Variants in ANKRD6 observed in about 807,000 individuals in gnomAD.
ANKRD6 encodes the protein ankyrin repeat domain 6.
In ANKRD6, 56 loss-of-function variants were observed where a neutral mutation model predicts 82.3. That is an observed-to-expected ratio of 0.68 (90% confidence interval 0.55 to 0.85). The LOEUF is 0.85. Among genes scored for constraint, ANKRD6 ranks in the 40% least tolerant of loss-of-function variants. The pLI, the probability that ANKRD6 is intolerant of heterozygous loss-of-function variation, is 0.00. For missense variants in ANKRD6, 852 were observed against 907.6 expected (o/e 0.94, Z 0.79); for synonymous variants, 347 against 352.1 (o/e 0.99, Z 0.16).
At chr6:89,515,785 G>A (rs1319423863) in intron 1 of ANKRD6, among the ~76,000 whole-genome samples, 1 of 151,894 alleles carries the variant, frequency 6.6e-6, no homozygotes, top group African/African-American at 2.4e-5. Context: ...GATTACTAGG[G>A]TAGGATCTGG....
chr6:89,546,061 C>T (rs1785054135), intron 1 of ANKRD6, among the ~76,000 whole-genome samples: 1 of 152,208 alleles, frequency 6.6e-6, no homozygotes, highest in Admixed American at 6.5e-5. Flanking sequence ...CCCGCCTCAG[C>T]CTCCCAAAGT....
In ANKRD6 at chr6:89,433,985, C is replaced by T. The variant is rs1217150537; in HGVS notation, c.-144+610C>T. On this transcript the variant is annotated intron_variant, in intron 1 of 15. Coordinates refer to ENST00000339746, the MANE Select transcript of ANKRD6 (RefSeq NM_001242809.2). The surrounding 1 kb of genome is among the most constrained non-coding windows in gnomAD (Gnocchi z 4.3). ...CTTGGGCTTTTAAGTGTGTTGCTTC[C>T]GGTAGATCTCGGGGACTGGAGGGGA... 1.3e-5 allele frequency among the ~76,000 whole-genome samples: 2 copies of T among 152,154 alleles called. No homozygotes were observed. The highest frequency in any genetic ancestry group is 4.8e-5 in the African/African-American group (2 of 41,414).
rs201232548 is a variant in ANKRD6, at chr6:89,630,477, G to A, written c.1657G>A (p.Asp553Asn). Residue 553 changes from aspartate (D) to asparagine (N), a missense_variant, in exon 16 of 16, where the codon GAC (aspartate) becomes AAC (asparagine). Coordinates refer to ENST00000339746, the MANE Select transcript of ANKRD6 (RefSeq NM_001242809.2). ...VVTAGPAAAS[D>N]SSPPVVRPKE... ...GACTGCAGGTCCAGCAGCAGCTTCC[G>A]ACAGCTCCCCTCCAGTGGTTAGGCC... 2.4e-5 allele frequency: 39 copies of A among 1,613,944 alleles called. No homozygotes were observed. The highest frequency in any genetic ancestry group is 8.3e-5 in the Admixed American group (5 of 60,012).
At chr6:89,480,364 C>T (rs1464948357) in intron 1 of ANKRD6, among the ~76,000 whole-genome samples, 1 of 152,056 alleles carries the variant, frequency 6.6e-6, no homozygotes, top group East Asian at 1.9e-4. Context: ...GGAATAGGGG[C>T]GCATGAAGGA....
intron 1 of ANKRD6, among the ~76,000 whole-genome samples, chr6:89,504,135 G>A (rs1158111530): frequency 1.7e-5 from 2 of 120,538 alleles, no homozygotes; most frequent in African/African-American, 3.1e-5. Flanking sequence ...TGTGGGGGGC[G>A]GGGGGTGGGG....
At chr6:89,592,803 A>G (rs540855319) in intron 2 of ANKRD6, among the ~76,000 whole-genome samples, 6 of 152,268 alleles carry the variant, frequency 3.9e-5, no homozygotes, top group African/African-American at 1.4e-4. Context: ...CACACAAAAA[A>G]ACGTTGCCAG....
At chr6:89,629,054 A>G in intron 14 of ANKRD6, 58 bp from the exon 15 acceptor site, 1 of 1,549,954 alleles carries the variant, frequency 6.5e-7, no homozygotes, top group Non-Finnish European at 8.7e-7. Context: ...TAAACCATGT[A>G]TCAAATTCAC....
intron 6 of ANKRD6, among the ~76,000 whole-genome samples, chr6:89,613,118 T>C (rs1370866038): frequency 6.6e-6 from 1 of 152,218 alleles, no homozygotes; most frequent in South Asian, 2.1e-4. Flanking sequence ...GGCAGCTTTT[T>C]GTCTCCAGTT....
At chr6:89,601,421 G>A (rs1345874973) in intron 3 of ANKRD6, among the ~76,000 whole-genome samples, 1 of 152,138 alleles carries the variant, frequency 6.6e-6, no homozygotes, top group African/African-American at 2.4e-5. Flanking sequence ...GACAGGGACA[G>A]TCCTGTTACT....
At chr6:89,531,418 T>G (rs996280246) in intron 1 of ANKRD6, among the ~76,000 whole-genome samples, 2 of 152,258 alleles carry the variant, frequency 1.3e-5, no homozygotes, top group African/African-American at 4.8e-5. Context: ...GGCATTAATA[T>G]CCAACCATGT....
At chr6:89,481,432 A>G (rs1321613795) in intron 1 of ANKRD6, among the ~76,000 whole-genome samples, 3 of 152,226 alleles carry the variant, frequency 2.0e-5, no homozygotes, top group East Asian at 1.9e-4. Context: ...TGTTCAAAGT[A>G]TAATACAAAT....
At chr6:89,441,969 A>G in intron 1 of ANKRD6, among the ~76,000 whole-genome samples, 1 of 151,256 alleles carries the variant, frequency 6.6e-6, no homozygotes, top group Non-Finnish European at 1.5e-5. Flanking sequence ...ACATGTGTCT[A>G]GGTGGTTGGG....
intron 3 of ANKRD6, among the ~76,000 whole-genome samples, chr6:89,601,185 T>C (rs1056040893): frequency 6.6e-6 from 1 of 152,088 alleles, no homozygotes; most frequent in African/African-American, 2.4e-5. Context: ...CCACATTCTT[T>C]TTTTAACCAC....
At chr6:89,520,485 A>G (rs370782781) in intron 1 of ANKRD6, among the ~76,000 whole-genome samples, 1 of 152,262 alleles carries the variant, frequency 6.6e-6, no homozygotes. Context: ...TGAGAAAGAT[A>G]GGGGCCTATG....
chr6:89,601,730 C>T (rs1240841043), intron 3 of ANKRD6: 1 of 152,102 alleles, frequency 6.6e-6, no homozygotes, highest in Non-Finnish European at 1.5e-5. Context: ...CCATCACCAC[C>T]ATCTATCTTT....
intron 2 of ANKRD6, among the ~76,000 whole-genome samples, chr6:89,570,102 G>C (rs1020333071): frequency 7.2e-5 from 10 of 139,530 alleles, no homozygotes; most frequent in African/African-American, 2.7e-4. Context: ...ATTTATTTAA[G>C]ATATGCTCCC....
chr6:89,495,108 C>T (rs1211035246), intron 1 of ANKRD6, among the ~76,000 whole-genome samples: 1 of 152,186 alleles, frequency 6.6e-6, no homozygotes, highest in Admixed American at 6.5e-5. Flanking sequence ...GTGGCAGGCG[C>T]CTGTAGTCCC....
chr6:89,505,162 C>T (rs537823237), intron 1 of ANKRD6, among the ~76,000 whole-genome samples: 20 of 152,336 alleles, frequency 1.3e-4, no homozygotes, highest in South Asian at 8.3e-4. Flanking sequence ...TTTCCTTACC[C>T]GGCATCTGTA....
intron 1 of ANKRD6, among the ~76,000 whole-genome samples, chr6:89,488,551 T>C (rs1489603619): frequency 6.6e-6 from 1 of 152,226 alleles, no homozygotes; most frequent in Non-Finnish European, 1.5e-5. Context: ...GAACATAGAA[T>C]GTAAAAATTC....
Sources: gnomAD v4.1 joint callset for allele counts (sites outside exome capture counted in the v4.1 genomes callset) on GRCh38, gnomAD v4.1.1 for gene constraint, Gnocchi (gnomAD v3.1) non-coding constraint, MANE v1.5 for transcripts, NCBI Gene and HGNC (gene_info 2026-07-23, HGNC 2026-07-21) for gene names.